DHX35: variants seen among roughly 807,000 people sequenced by gnomAD.
DHX35 encodes the protein probable ATP-dependent RNA helicase DHX35.
DHX35 carries 84 observed loss-of-function variants against 99.6 expected under a neutral mutation model. The ratio of observed to expected loss-of-function variants is 0.84; its 90% confidence interval spans 0.71 to 1.01. DHX35 has a LOEUF of 1.01. Ranked by LOEUF, DHX35 falls within the 50% of genes least tolerant of loss-of-function variation. The pLI, the probability that DHX35 is intolerant of heterozygous loss-of-function variation, is 0.00. For synonymous variants in DHX35, 331 were observed against 316.2 expected (o/e 1.05, Z -0.50); for missense variants, 852 against 888.5 (o/e 0.96, Z 0.52).
intron 1 of DHX35, among the ~76,000 whole-genome samples, chr20:38,965,854 T>G (rs928528544): frequency 6.6e-6 from 1 of 152,226 alleles, no homozygotes; most frequent in Non-Finnish European, 1.5e-5. Flanking sequence ...GGCCTGCCCA[T>G]TTTCGTTTGC....
In DHX35 at chr20:38,976,800, C is replaced by T. The variant is rs1444910792; in HGVS notation, c.267+4149C>T. 2.6e-5 allele frequency among the ~76,000 whole-genome samples: 4 copies of T among 152,194 alleles called. No individual in the cohort carries two copies. In the East Asian group the frequency reaches 5.8e-4, roughly 22 times the overall value. On this transcript the variant is annotated intron_variant, in intron 3 of 21. Coordinates refer to ENST00000252011, the MANE Select transcript of DHX35 (RefSeq NM_021931.4). ...CCCCTAGTATCCACTGTTCTATTCT[C>T]TACTTTTGTAAGATCAACTTTTTTA...
intron 13 of DHX35, among the ~76,000 whole-genome samples, chr20:39,013,950 G>T (rs1411240045): frequency 6.6e-6 from 1 of 152,162 alleles, no homozygotes; most frequent in Non-Finnish European, 1.5e-5. Context: ...AAGTAGGGAA[G>T]GTAGACTGGG....
intron 20 of DHX35, among the ~76,000 whole-genome samples, chr20:39,031,301 G>A (rs560523801): frequency 6.6e-6 from 1 of 151,354 alleles, no homozygotes; most frequent in East Asian, 1.9e-4. Context: ...GCACAGCTAT[G>A]CAGAGATGAA....
intron 2 of DHX35, among the ~76,000 whole-genome samples, chr20:38,970,925 T>C (rs532676064): frequency 3.3e-5 from 5 of 151,322 alleles, no homozygotes; most frequent in Admixed American, 1.3e-4. Flanking sequence ...GTTACTGATA[T>C]AAAGCAAAGC....
intron 16 of DHX35, among the ~76,000 whole-genome samples, chr20:39,023,090 C>A (rs114135556): frequency 3.9e-5 from 6 of 152,054 alleles, no homozygotes; most frequent in African/African-American, 1.4e-4. Context: ...TTTTAATTAA[C>A]CTGGAGGAGG....
Position 38,975,218 on chromosome 20 carries a change from A to G in DHX35, c.267+2567A>G, listed in dbSNP as rs577816979. Among the ~76,000 whole-genome samples, 97 of 152,268 alleles carry G rather than the reference A, an allele frequency of 6.4e-4. 1 individual carries two copies. Among genetic ancestry groups the G allele is most frequent in the African/African-American group, 2.3e-3 (94 of 41,558 alleles). On this transcript the variant is annotated intron_variant, in intron 3 of 21. Transcript: ENST00000252011. The stretch of plus-strand genomic sequence containing the variant: ...AGGTAGACAGACCTAGTAAAGGTAG[A>G]TGACCTAGTAAAGGACAACTTGAAA...
In DHX35 at chr20:38,991,456, T is replaced by C; in HGVS notation, c.453T>C (p.Phe151=). The change falls in exon 6 of 22, where the codon TTT becomes TTC. Residue 151 remains phenylalanine (F), a splice_region_variant and synonymous_variant. Coordinates refer to ENST00000252011, the MANE Select transcript of DHX35 (RefSeq NM_021931.4). ...CTDQLATRIK[F]LTDGMLVREM... The stretch of plus-strand genomic sequence containing the variant: ...AGCTTTGTGTTTTTATTTTTTAGTT[T>C]CTTACTGATGGAATGCTGGTCAGGG... The C allele has an allele frequency of 6.2e-7, 1 of 1,612,786 alleles. No individual in the cohort carries two copies. Among genetic ancestry groups the C allele is most frequent in the Non-Finnish European group, 8.5e-7 (1 of 1,179,476 alleles).
intron 1 of DHX35, among the ~76,000 whole-genome samples, chr20:38,965,271 ATC>A (rs1257560990): frequency 6.6e-6 from 1 of 152,248 alleles, no homozygotes; most frequent in African/African-American, 2.4e-5. Flanking sequence ...CAGTCACAGT[ATC>A]TCTGTGATGA....
At position 38,969,157 on chromosome 20, in the gene DHX35, C is replaced by A. The variant is rs779148160; in HGVS notation, c.117C>A (p.Tyr39Ter). 4 of 1,614,006 alleles carry A rather than the reference C, an allele frequency of 2.5e-6. No homozygotes were observed. The highest frequency in any genetic ancestry group is 3.4e-6 in the Non-Finnish European group (4 of 1,179,890). Reference sequence around the variant, plus strand: ...AAAACTCTGGGACAACGGTTGTTTACAACCCTTATGCTGCCCTTTCCATAG... The same window carrying A: ...AAAACTCTGGGACAACGGTTGTTTAAAACCCTTATGCTGCCCTTTCCATAG... ...LAENSGTTVVYNPYAALSIEQ... is the reference protein window; with the variant it reads ...LAENSGTTVV The change falls in exon 2 of 22, where the codon TAC becomes TAA. Residue 39 changes from tyrosine to a stop codon, truncating the protein, a stop_gained. Coordinates refer to ENST00000252011, the MANE Select transcript of DHX35 (RefSeq NM_021931.4). LOFTEE classifies it high-confidence loss of function.
rs766763287 is a variant in DHX35, at chr20:39,010,306, T to C, written c.1249T>C (p.Ser417Pro). ...TEEAFDKLPQ[S>P]TVPEMQRSNL... The stretch of plus-strand genomic sequence containing the variant: ...GGAAGCCTTTGACAAGTTGCCTCAG[T>C]CTACGGTTCCTGAGATGCAGCGTAG... Residue 417 changes from serine to proline, a missense_variant, in exon 13 of 22, where the codon TCT becomes CCT. By Grantham distance (74) the Ser-to-Pro change is moderately conservative (BLOSUM62 -1). Coordinates refer to ENST00000252011, the MANE Select transcript of DHX35 (RefSeq NM_021931.4). The C allele has an allele frequency of 6.2e-7, 1 of 1,614,142 alleles. No homozygotes were observed. The highest frequency in any genetic ancestry group is 1.1e-5 in the South Asian group (1 of 91,078).
At chr20:39,012,074 C>T (rs1417843390) in intron 13 of DHX35, among the ~76,000 whole-genome samples, 1 of 152,016 alleles carries the variant, frequency 6.6e-6, no homozygotes, top group African/African-American at 2.4e-5. Flanking sequence ...ATGGTGAAAC[C>T]CCGTCTCTAC....
intron 1 of DHX35, among the ~76,000 whole-genome samples, chr20:38,964,792 G>T (rs909051797): frequency 6.6e-6 from 1 of 152,200 alleles, no homozygotes; most frequent in African/African-American, 2.4e-5. Context: ...ACTGGCAGTG[G>T]AGTAGAGAGT....
At chr20:39,038,373 C>T in intron 21 of DHX35, 126 bp from the exon 22 acceptor site, 2 of 1,078,516 alleles carry the variant, frequency 1.9e-6, no homozygotes, top group Non-Finnish European at 2.7e-6. Context: ...ATGAACAGCT[C>T]AGCATTTACT....
chr20:38,971,696 A>G (rs1163432320), intron 2 of DHX35, among the ~76,000 whole-genome samples: 1 of 152,192 alleles, frequency 6.6e-6, no homozygotes, highest in Non-Finnish European at 1.5e-5. Flanking sequence ...TGTTTGCCCT[A>G]AGAAGAATGC....
At chr20:39,031,161 C>CA (rs112765650) in intron 20 of DHX35, among the ~76,000 whole-genome samples, 1,644 of 135,340 alleles carry the variant, frequency 0.012, 27 homozygotes, top group African/African-American at 0.036. Flanking sequence ...GATTCCATGT[C>CA]AAAAAAAAAA....
chr20:38,990,712 A>G (rs991459664), intron 5 of DHX35, among the ~76,000 whole-genome samples: 33 of 152,236 alleles, frequency 2.2e-4, no homozygotes, highest in Admixed American at 3.3e-4. Context: ...GGTTACATGC[A>G]AATACTATGC....
rs117146150 is a variant in DHX35 at position 39,031,401 on chromosome 20, A to G, written c.1955+626A>G. On this transcript the variant is annotated intron_variant, in intron 20 of 21. Transcript: ENST00000252011. ...CAGGCTGGAGTGCAGTGACGGCGCT[A>G]TCTTGGCTCACTGCAACCTCTGCCT... 7.1e-4 allele frequency among the ~76,000 whole-genome samples: 103 copies of G among 146,044 alleles called. No homozygotes were observed. In the East Asian group the frequency reaches 0.019, roughly 27 times the overall value.
chr20:39,001,663 T>C, intron 8 of DHX35, 67 bp from the exon 9 acceptor site: 1 of 1,253,546 alleles, frequency 8.0e-7, no homozygotes, highest in South Asian at 1.3e-5. Flanking sequence ...TATTATTTTT[T>C]CTTTCCATGA....
rs1207080239 is a variant in DHX35, at chr20:39,039,613, A to G, written c.*1070A>G. The stretch of plus-strand genomic sequence containing the variant: ...TTAGTTTGGATGTGCCACTTTTGGC[A>G]CCAAACGTGTATGTCATTTTTATTT... On this transcript the variant is annotated 3_prime_UTR_variant, in exon 22 of 22. Coordinates refer to ENST00000252011, the MANE Select transcript of DHX35 (RefSeq NM_021931.4). 6.6e-6 allele frequency: 1 copy of G among 152,230 alleles called. No homozygotes were observed. The highest frequency in any genetic ancestry group is 2.4e-5 in the African/African-American group (1 of 41,464). The allele number at this position is 152,230 out of a possible 1,614,324, so 9.4% of individuals were successfully genotyped here.
Sources: allele counts gnomAD v4.1 joint callset (sites outside exome capture counted in the v4.1 genomes callset), GRCh38; gene constraint gnomAD v4.1.1; transcripts MANE v1.5; gene names NCBI Gene and HGNC (gene_info 2026-07-23, HGNC 2026-07-21).